ZFP90: variants seen among roughly 807,000 people sequenced by gnomAD.
ZFP90 encodes zinc finger protein 90 homolog.
Under a neutral mutation model 60.8 loss-of-function variants are expected in ZFP90, and 38 were observed. That is an observed-to-expected ratio of 0.62 (90% confidence interval 0.48 to 0.82). The LOEUF (loss-of-function observed/expected upper bound fraction) is 0.82, where lower values mean the gene tolerates loss of function less well. ZFP90 is among the 40% of genes least tolerant of loss of function. The pLI, the probability that ZFP90 is intolerant of heterozygous loss-of-function variation, is 0.00. For missense variants in ZFP90, 711 were observed against 759.1 expected (o/e 0.94, Z 0.74); for synonymous variants, 287 against 264.8 (o/e 1.08, Z -0.82).
chr16:68,554,081 A>G (rs1468036836), intron 2 of ZFP90, among the ~76,000 whole-genome samples: 3 of 151,688 alleles, frequency 2.0e-5, no homozygotes, highest in Non-Finnish European at 4.4e-5. Context: ...AGAAATAGGG[A>G]AAAGTGGGAG....
At chr16:68,556,357 TTAGAG>T (rs1481307949) in intron 2 of ZFP90, among the ~76,000 whole-genome samples, 6 of 152,082 alleles carry the variant, frequency 3.9e-5, no homozygotes, top group African/African-American at 1.2e-4. Context: ...GAAAAAGTGA[TTAGAG>T]TAGGGTATGA....
In ZFP90 at chr16:68,565,476, T is replaced by C. The variant is rs146537339; in HGVS notation, c.*778T>C. 828 of 985,572 alleles carry C rather than the reference T, an allele frequency of 8.4e-4. 5 individuals are homozygous for C. The African/African-American group carries it at 0.013, about 16-fold the overall frequency. The allele number at this position is 985,572 out of a possible 1,614,324, so 61.1% of individuals were successfully genotyped here. A position where few individuals can be genotyped will look rare whatever the true frequency, so the allele number is the denominator to read the frequency against. The stretch of plus-strand genomic sequence containing the variant: ...TTTATCACAAACTATTTAAAGCAAC[T>C]TCTTGGAGGCTTACAAACCACAATT... On this transcript the variant is annotated 3_prime_UTR_variant, in exon 5 of 5. Transcript: ENST00000563169.
Position 68,563,594 on chromosome 16 carries a change from T to A in ZFP90, c.807T>A (p.Leu269=). 1 of 1,614,210 alleles carries A rather than the reference T, an allele frequency of 6.2e-7. No homozygotes were observed. Among genetic ancestry groups the A allele is most frequent in the Non-Finnish European group, 8.5e-7 (1 of 1,180,036 alleles). The change falls in exon 5 of 5, where the codon CTT becomes CTA. Residue 269 remains leucine (L), a synonymous_variant. Transcript: ENST00000563169. ...AAACCTTTCTCTGGAAGACACAGCT[T>A]ACTGAGCATCAGAGAATTCACACTG... ...CGKTFLWKTQ[L]TEHQRIHTGE... is the part of the protein sequence containing the mutation.
chr16:68,545,800 G>A (rs971532343), intron 2 of ZFP90, among the ~76,000 whole-genome samples: 1 of 152,202 alleles, frequency 6.6e-6, no homozygotes, highest in Non-Finnish European at 1.5e-5. Flanking sequence ...AGGTGACTGA[G>A]CGAGACTCCG....
intron 2 of ZFP90, among the ~76,000 whole-genome samples, chr16:68,541,630 A>G (rs1242153623): frequency 1.3e-5 from 2 of 152,038 alleles, no homozygotes; most frequent in Non-Finnish European, 2.9e-5. Flanking sequence ...TTCTTATTAT[A>G]TGTTTCTGTT....
At chr16:68,574,300 G>A (rs1433436347) in intron 2 of ZFP90, 1 of 100,380 alleles carries the variant, frequency 1.0e-5, no homozygotes, top group Non-Finnish European at 1.9e-5. Flanking sequence ...AGGTCATAAA[G>A]AACAGAGATG....
intron 2 of ZFP90, among the ~76,000 whole-genome samples, chr16:68,554,226 A>G (rs983601848): frequency 2.7e-5 from 4 of 149,728 alleles, no homozygotes; most frequent in Admixed American, 6.7e-5. Context: ...GGTTCAAGTG[A>G]TTCTCCTGCC....
intron 2 of ZFP90, among the ~76,000 whole-genome samples, chr16:68,557,708 A>G (rs1946303965): frequency 6.6e-6 from 1 of 151,400 alleles, no homozygotes; most frequent in Admixed American, 6.6e-5. Flanking sequence ...GTGAATAGGC[A>G]GCAATGACTT....
In ZFP90 at chr16:68,566,013, A is replaced by G. The variant is rs1387887517; in HGVS notation, c.*1315A>G. The G allele has an allele frequency of 2.6e-6, 2 of 768,024 alleles. No homozygotes were observed. Among genetic ancestry groups the G allele is most frequent in the East Asian group, 2.5e-4 (2 of 7,846 alleles). The allele number at this position is 768,024 out of a possible 1,614,324, so 47.6% of individuals were successfully genotyped here. A position where few individuals can be genotyped will look rare whatever the true frequency, so the allele number is the denominator to read the frequency against. ...GCTGGGCATGGTGGCATGCAGTGGT[A>G]GTCCCAGCTACTCAGGAGGCTGAGG... On this transcript the variant is annotated 3_prime_UTR_variant, in exon 5 of 5. Coordinates refer to ENST00000563169, the MANE Select transcript of ZFP90 (RefSeq NM_001305203.2).
chr16:68,538,061 C>G (rs573044715), upstream of ZFP90, among the ~76,000 whole-genome samples: 2 of 152,002 alleles, frequency 1.3e-5, no homozygotes, highest in African/African-American at 4.8e-5. Context: ...TACAGGCATG[C>G]GCCACCAAGC....
chr16:68,552,293 C>T (rs2091276486), intron 2 of ZFP90, among the ~76,000 whole-genome samples: 2 of 152,152 alleles, frequency 1.3e-5, no homozygotes, highest in South Asian at 2.1e-4. Context: ...AACTGGTTCT[C>T]GCCTCTGGAA....
chr16:68,564,988 T>C lies in ZFP90; in HGVS notation c.*290T>C. The C allele has an allele frequency of 9.1e-7, 1 of 1,095,384 alleles. No individual in the cohort carries two copies. The highest frequency in any genetic ancestry group is 1.6e-5 in the African/African-American group (1 of 61,124). 67.9% of individuals were successfully genotyped at this position (1,095,384 alleles called of 1,614,324 possible). On this transcript the variant is annotated 3_prime_UTR_variant, in exon 5 of 5. Coordinates refer to ENST00000563169, the MANE Select transcript of ZFP90 (RefSeq NM_001305203.2). Reference sequence around the variant, plus strand: ...TATGTATGCAGGATATCATCAAGTTTCAACATCTTGACTTGTGACCCCCAA... The same window carrying C: ...TATGTATGCAGGATATCATCAAGTTCCAACATCTTGACTTGTGACCCCCAA...
chr16:68,537,363 T>A (rs1247259260), upstream of ZFP90, among the ~76,000 whole-genome samples: 1 of 152,042 alleles, frequency 6.6e-6, no homozygotes, highest in Non-Finnish European at 1.5e-5. Flanking sequence ...TGACCTCAAG[T>A]GATCTGCCCC....
chr16:68,541,577 G>A (rs188018511), intron 2 of ZFP90, among the ~76,000 whole-genome samples: 4 of 152,090 alleles, frequency 2.6e-5, no homozygotes, highest in African/African-American at 7.2e-5. Context: ...GATTACAGGC[G>A]TGAGCCACCG....
At chr16:68,569,013 T>C (rs561953343), downstream of ZFP90, among the ~76,000 whole-genome samples, 2 of 151,878 alleles carry the variant, frequency 1.3e-5, no homozygotes, top group Non-Finnish European at 2.9e-5. Context: ...ACATACAGTT[T>C]TTAAATGAAG....
At chr16:68,537,597 G>T (rs552784638), upstream of ZFP90, among the ~76,000 whole-genome samples, 13 of 151,878 alleles carry the variant, frequency 8.6e-5, no homozygotes, top group South Asian at 2.1e-4. Context: ...AGACAGTCTC[G>T]CTTTGTCGCC....
downstream of ZFP90, among the ~76,000 whole-genome samples, chr16:68,571,294 A>G (rs2091566596): frequency 6.6e-6 from 1 of 152,234 alleles, no homozygotes; most frequent in African/African-American, 2.4e-5. Flanking sequence ...CAGAAGTCAC[A>G]TGGTGGATTA....
At chr16:68,575,151 C>T (rs2091587599) in intron 2 of ZFP90, among the ~76,000 whole-genome samples, 1 of 152,202 alleles carries the variant, frequency 6.6e-6, no homozygotes, top group Non-Finnish European at 1.5e-5. Context: ...GCAGTGTCCC[C>T]ACCTGGGCCT....
rs760788086 is a variant in ZFP90 at position 68,539,773 on chromosome 16, C to G, written c.-20C>G. 5 of 1,583,460 alleles carry G rather than the reference C, an allele frequency of 3.2e-6. No individual in the cohort carries two copies. The highest frequency in any genetic ancestry group is 4.3e-6 in the Non-Finnish European group (5 of 1,165,740). ...TTCTCCCCAGCTCCTGCCCCGGAGCCGGGCCCTGGCGAGGCAGGAATGGCC... is the reference window on the plus strand; with the variant it reads ...TTCTCCCCAGCTCCTGCCCCGGAGCGGGGCCCTGGCGAGGCAGGAATGGCC... On this transcript the variant is annotated 5_prime_UTR_variant, in exon 2 of 5. Transcript: ENST00000563169.
Sources: gnomAD v4.1 joint callset for allele counts (sites outside exome capture counted in the v4.1 genomes callset) on GRCh38, gnomAD v4.1.1 for gene constraint, MANE v1.5 for transcripts, NCBI Gene and HGNC (gene_info 2026-07-23, HGNC 2026-07-21) for gene names.